The following ZNF516 variants were observed in gnomAD, a reference collection of about 807,000 sequenced individuals.
The protein encoded by ZNF516 is zinc finger protein 516.
In ZNF516, 19 loss-of-function variants were observed where a neutral mutation model predicts 79.7. The ratio of observed to expected loss-of-function variants is 0.24; its 90% CI spans 0.17 to 0.35. ZNF516 has a LOEUF of 0.35. Among genes scored for constraint, ZNF516 ranks in the 10% least tolerant of loss-of-function variants. The probability of loss-of-function intolerance (pLI) is 1.00; values close to 1 mark genes in which losing one functional copy is unlikely to be tolerated. For synonymous variants in ZNF516, 877 were observed against 739.5 expected, an observed-to-expected ratio of 1.19 and a Z score of -3.02; for missense variants, 1,678 against 1,679.5, an observed-to-expected ratio of 1.00 and a Z score of 0.02.
At chr18:76,461,184 A>T (rs2145672309) in intron 2 of ZNF516, among the ~76,000 whole-genome samples, 1 of 152,314 alleles carries the variant, frequency 6.6e-6, no homozygotes, top group Non-Finnish European at 1.5e-5. Flanking sequence ...TCCATCTCAA[A>T]AAATAAATAA....
intron 1 of ZNF516, among the ~76,000 whole-genome samples, chr18:76,469,709 A>T (rs931204755): frequency 6.6e-6 from 1 of 152,236 alleles, no homozygotes. Context: ...AAAGTCCTGG[A>T]ATCTGAAAGG....
In ZNF516 at chr18:76,371,453, C is replaced by A; in HGVS notation, c.3364+14G>T. 1 of 1,598,898 alleles carries A rather than the reference C, an allele frequency of 6.3e-7. No homozygotes were observed. Among genetic ancestry groups the A allele is most frequent in the Non-Finnish European group, 8.5e-7 (1 of 1,177,096 alleles). On this transcript the variant is annotated intron_variant, in intron 5 of 6. Coordinates refer to ENST00000443185, the MANE Select transcript of ZNF516 (RefSeq NM_014643.4). Reference sequence around the variant, plus strand: ...TCTGCTCCCCTTGGGGATAGCTGGGCGGGAGGGCGATACCTGAGTGTGCCC... The same window carrying A: ...TCTGCTCCCCTTGGGGATAGCTGGGAGGGAGGGCGATACCTGAGTGTGCCC...
chr18:76,490,714 G>A, intron 1 of ZNF516: 2 of 953,890 alleles, frequency 2.1e-6, no homozygotes, highest in Non-Finnish European at 1.2e-6. Flanking sequence ...ATGGCAGGCT[G>A]ACGGGGGCAA....
At chr18:76,407,600 C>A (rs992295561) in intron 3 of ZNF516, among the ~76,000 whole-genome samples, 9 of 152,202 alleles carry the variant, frequency 5.9e-5, no homozygotes, top group African/African-American at 1.7e-4. Context: ...CCAATCCACT[C>A]GTCCACCACC....
At chr18:76,480,494 TACACACACACAC>T (rs910430019) in intron 1 of ZNF516, among the ~76,000 whole-genome samples, 1 of 131,152 alleles carries the variant, frequency 7.6e-6, no homozygotes, top group East Asian at 2.1e-4. Flanking sequence ...CATATACACA[TACACACACACAC>T]ACACACACAC....
chr18:76,362,242 C>G lies in ZNF516; in HGVS notation c.*256G>C. The stretch of plus-strand genomic sequence containing the variant: ...AATATGGGACTATGGACGATGAGCA[C>G]GTAAATGCGTATATAGTATCTACAT... On this transcript the variant is annotated 3_prime_UTR_variant, in exon 7 of 7. Coordinates refer to ENST00000443185, the MANE Select transcript of ZNF516 (RefSeq NM_014643.4). 1 of 431,356 alleles carries G rather than the reference C, an allele frequency of 2.3e-6. No homozygotes were observed. The allele number at this position is 431,356 out of a possible 1,614,324, so 26.7% of individuals were successfully genotyped here.
intron 1 of ZNF516, among the ~76,000 whole-genome samples, chr18:76,482,767 A>G (rs1353388990): frequency 6.6e-6 from 1 of 152,184 alleles, no homozygotes; most frequent in South Asian, 2.1e-4. Context: ...CAAGCAAACT[A>G]TTATTACCAA....
In ZNF516 at chr18:76,362,264, A is replaced by G. The variant is rs1304938370; in HGVS notation, c.*234T>C. The stretch of plus-strand genomic sequence containing the variant: ...GCACGTAAATGCGTATATAGTATCT[A>G]CATGTATTTCTAGAATATAGCATCT... On this transcript the variant is annotated 3_prime_UTR_variant, in exon 7 of 7. Transcript: ENST00000443185. The G allele has an allele frequency of 3.9e-6, 2 of 513,216 alleles. No individual in the cohort carries two copies. Among genetic ancestry groups the G allele is most frequent in the Admixed American group, 3.2e-5 (1 of 31,710 alleles). The allele number at this position is 513,216 out of a possible 1,614,324, so 31.8% of individuals were successfully genotyped here. A position where few individuals can be genotyped will look rare whatever the true frequency, so the allele number is the denominator to read the frequency against.
At chr18:76,392,059 C>T (rs751344760) in intron 3 of ZNF516, among the ~76,000 whole-genome samples, 45 of 152,370 alleles carry the variant, frequency 3.0e-4, no homozygotes, top group Non-Finnish European at 6.3e-4. Context: ...GAAGAAGAGC[C>T]TCATTTCCGC....
At chr18:76,433,535 G>A (rs11150953) in intron 3 of ZNF516, among the ~76,000 whole-genome samples, 41,857 of 152,112 alleles carry the variant, frequency 0.28, 7,064 homozygotes, top group East Asian at 0.45. Flanking sequence ...GTGCCGTACC[G>A]CGGCTGCACG....
rs1416769179 is a variant in ZNF516 at position 76,373,347 on chromosome 18, A to G, written c.3260-1776T>C. 2.0e-5 allele frequency among the ~76,000 whole-genome samples: 3 copies of G among 151,460 alleles called. No homozygotes were observed. In the East Asian group the frequency reaches 5.8e-4, roughly 29 times the overall value. On this transcript the variant is annotated intron_variant, in intron 4 of 6. Transcript: ENST00000443185. ...AAGAAGGAAGTAAAGAAAAGGAAGG[A>G]AAGGAAAGAAAGAAAAGAGATTTTT...
At chr18:76,476,764 TC>T in intron 1 of ZNF516, among the ~76,000 whole-genome samples, 1 of 152,304 alleles carries the variant, frequency 6.6e-6, no homozygotes, top group East Asian at 1.9e-4. Context: ...AATACTGAGG[TC>T]CCACCTGACT....
At chr18:76,417,483 A>G (rs1224841658) in intron 3 of ZNF516, among the ~76,000 whole-genome samples, 1 of 152,226 alleles carries the variant, frequency 6.6e-6, no homozygotes, top group Non-Finnish European at 1.5e-5. Context: ...TTTCTAGCAC[A>G]TGCTTTGTAA....
chr18:76,378,704 A>AGGG, intron 4 of ZNF516, 151 bp downstream of exon 4: 1 of 1,200,200 alleles, frequency 8.3e-7, no homozygotes, highest in Non-Finnish European at 1.1e-6. Context: ...CGGCCAGGGC[A>AGGG]AGGGAGCAGC....
chr18:76,483,760 G>A (rs953931694), intron 1 of ZNF516, among the ~76,000 whole-genome samples: 1 of 152,064 alleles, frequency 6.6e-6, no homozygotes, highest in African/African-American at 2.4e-5. Flanking sequence ...TGTTACTATT[G>A]GTGATAACCA....
intron 1 of ZNF516, among the ~76,000 whole-genome samples, chr18:76,487,754 C>T (rs1914911845): frequency 8.0e-6 from 1 of 124,356 alleles, no homozygotes; most frequent in African/African-American, 2.6e-5. Context: ...ATGTCCTGCC[C>T]CACTCCCAAA....
chr18:76,406,338 G>A (rs1252849422), intron 3 of ZNF516, among the ~76,000 whole-genome samples: 1 of 152,210 alleles, frequency 6.6e-6, no homozygotes, highest in African/African-American at 2.4e-5. Context: ...GGCCGAGACA[G>A]GAGGATCACG....
chr18:76,485,428 C>T (rs764064025), intron 1 of ZNF516, among the ~76,000 whole-genome samples: 15 of 152,214 alleles, frequency 9.9e-5, no homozygotes, highest in Non-Finnish European at 1.9e-4. Flanking sequence ...CTCACGTTCT[C>T]GAAGCAAAGC....
chr18:76,437,982 C>T (rs2075765900), intron 3 of ZNF516, among the ~76,000 whole-genome samples: 1 of 152,144 alleles, frequency 6.6e-6, no homozygotes, highest in Non-Finnish European at 1.5e-5. Flanking sequence ...GTGGGTTCAA[C>T]AGGATGGAGT....
Sources: allele counts gnomAD v4.1 joint callset (sites outside exome capture counted in the v4.1 genomes callset), GRCh38; gene constraint gnomAD v4.1.1; transcripts MANE v1.5; gene names NCBI Gene and HGNC (gene_info 2026-07-23, HGNC 2026-07-21).